The following DCDC2B variants were observed in gnomAD, a reference collection of about 807,000 sequenced individuals.
DCDC2B encodes the protein doublecortin domain containing 2B.
Under a neutral mutation model 38.9 loss-of-function variants are expected in DCDC2B, and 41 were observed. The observed-to-expected ratio is 1.05, with a 90% CI of 0.82 to 1.37. The LOEUF is 1.37. DCDC2B is among the 40% of genes most tolerant of loss of function. The pLI, the probability that DCDC2B is intolerant of heterozygous loss-of-function variation, is 0.00. For synonymous variants in DCDC2B, 181 were observed against 171.9 expected, an observed-to-expected ratio of 1.05 and a Z score of -0.41; for missense variants, 453 against 427.2, an observed-to-expected ratio of 1.06 and a Z score of -0.53.
chr1:32,214,667 T>C, intron 6 of DCDC2B, 130 bp from the exon 7 acceptor site: 1 of 1,359,312 alleles, frequency 7.4e-7, no homozygotes, highest in Non-Finnish European at 1.0e-6. Flanking sequence ...GGACGTACTT[T>C]GTGAAGACAG....
At chr1:32,212,905 C>T (rs58238092) in intron 6 of DCDC2B, 112 bp downstream of exon 6, 125,355 of 1,317,078 alleles carry the variant, frequency 0.095, 9,038 homozygotes, top group African/African-American at 0.29. Context: ...TTTTCTTTTT[C>T]TTTGAGACAG....
Position 32,215,924 on chromosome 1 carries a change from G to A in DCDC2B, c.*27G>A. 1 of 1,527,510 alleles carries A rather than the reference G, an allele frequency of 6.5e-7. No homozygotes were observed. The highest frequency in any genetic ancestry group is 8.9e-7 in the Non-Finnish European group (1 of 1,126,194). The allele number at this position is 1,527,510 out of a possible 1,614,324, so 94.6% of individuals were successfully genotyped here. A position where few individuals can be genotyped will look rare whatever the true frequency, so the allele number is the denominator to read the frequency against. ...AGCCAGCAGCTCCAGAGGGCAACTGGGGACCACTACTCTGGCCACCTTTTG... is the reference window on the plus strand; with the variant it reads ...AGCCAGCAGCTCCAGAGGGCAACTGAGGACCACTACTCTGGCCACCTTTTG... On this transcript the variant is annotated 3_prime_UTR_variant, in exon 9 of 9. Coordinates refer to ENST00000409358, the MANE Select transcript of DCDC2B (RefSeq NM_001099434.2).
rs903466415 is a variant in DCDC2B, at chr1:32,211,854, G to A, written c.395+17G>A. On this transcript the variant is annotated intron_variant, in intron 3 of 8. Transcript: ENST00000409358. ...CTATATCCAGTGAGTGCCAGTGTGAGGGAGCAGGGGTGTTGATGTTTGTTT... is the reference window on the plus strand; with the variant it reads ...CTATATCCAGTGAGTGCCAGTGTGAAGGAGCAGGGGTGTTGATGTTTGTTT... The A allele has an allele frequency of 6.3e-7, 1 of 1,599,004 alleles. No individual in the cohort carries two copies. Among genetic ancestry groups the A allele is most frequent in the Non-Finnish European group, 8.5e-7 (1 of 1,172,800 alleles).
Position 32,211,297 on chromosome 1 carries a change from C to G in DCDC2B, c.292C>G (p.Pro98Ala). Residue 98 changes from proline (P) to alanine (A), a missense_variant, in exon 2 of 9, where the codon CCA becomes GCA. Coordinates refer to ENST00000409358, the MANE Select transcript of DCDC2B (RefSeq NM_001099434.2). Reference sequence around the variant, plus strand: ...CTATTTACCCCATAGAGGGAAGGACCCAGGTGGGAAGAGCTGCAGACTACA... The same window carrying G: ...CTATTTACCCCATAGAGGGAAGGACGCAGGTGGGAAGAGCTGCAGACTACA... ...LHYLPHRGKD[P>A]GGKSCRLQGP... 2 of 1,613,844 alleles carry G rather than the reference C, an allele frequency of 1.2e-6. No homozygotes were observed. Among genetic ancestry groups the G allele is most frequent in the Non-Finnish European group, 1.7e-6 (2 of 1,179,854 alleles).
At chr1:32,210,268 G>A (rs1278378487) in intron 1 of DCDC2B, among the ~76,000 whole-genome samples, 5 of 150,550 alleles carry the variant, frequency 3.3e-5, no homozygotes, top group African/African-American at 1.2e-4. Context: ...AGAGGTTGCA[G>A]TGAGCCGAGA....
intron 6 of DCDC2B, chr1:32,214,482 G>A (rs1465207755): frequency 9.0e-6 from 3 of 334,316 alleles, no homozygotes; most frequent in African/African-American, 6.3e-5. Context: ...CAGGGTCCAA[G>A]GGAACTTATA....
At chr1:32,214,988 G>A (rs1355200534) in intron 7 of DCDC2B, 56 bp downstream of exon 7, 2 of 1,605,736 alleles carry the variant, frequency 1.2e-6, no homozygotes, top group Non-Finnish European at 1.7e-6. Context: ...AGTGACATAG[G>A]TTGGTCCCTG....
chr1:32,213,651 G>A (rs1643677961), intron 6 of DCDC2B, among the ~76,000 whole-genome samples: 1 of 151,832 alleles, frequency 6.6e-6, no homozygotes, highest in Non-Finnish European at 1.5e-5. Context: ...TGGGACTACA[G>A]GCACCCACCA....
chr1:32,211,165 T>A, intron 1 of DCDC2B, 107 bp from the exon 2 acceptor site: 1 of 1,010,666 alleles, frequency 9.9e-7, no homozygotes, highest in East Asian at 2.5e-5. Context: ...CACTATTCCA[T>A]GGGGAGGGAT....
Position 32,216,083 on chromosome 1 carries a change from G to T in DCDC2B, c.*186G>T. 2 of 693,058 alleles carry T rather than the reference G, an allele frequency of 2.9e-6. No homozygotes were observed. Among genetic ancestry groups the T allele is most frequent in the Non-Finnish European group, 4.8e-6 (2 of 416,392 alleles). 42.9% of individuals were successfully genotyped at this position (693,058 alleles called of 1,614,324 possible). On this transcript the variant is annotated 3_prime_UTR_variant, in exon 9 of 9. Coordinates refer to ENST00000409358, the MANE Select transcript of DCDC2B (RefSeq NM_001099434.2). ...GCCCAGCCTTCCCTTCCTCTGAGCA[G>T]AGCAGCCCTGGCTGTGGGGGCTATT...
intron 2 of DCDC2B, among the ~76,000 whole-genome samples, 169 bp downstream of exon 2, chr1:32,211,492 T>C (rs986164494): frequency 6.6e-6 from 1 of 152,204 alleles, no homozygotes; most frequent in Non-Finnish European, 1.5e-5. Flanking sequence ...AAGACACTAT[T>C]TCTTGCTTCT....
chr1:32,212,413 A>C (rs1569755837), intron 4 of DCDC2B, 77 bp from the exon 5 acceptor site: 1 of 1,583,618 alleles, frequency 6.3e-7, no homozygotes, highest in Non-Finnish European at 8.6e-7. Flanking sequence ...GAATAGCTGC[A>C]CCCACCCCTT....
intron 7 of DCDC2B, 200 bp from the exon 8 acceptor site, chr1:32,215,240 G>T: frequency 1.7e-6 from 1 of 587,974 alleles, no homozygotes; most frequent in South Asian, 2.3e-5. Context: ...TGCTTAAAGC[G>T]ATAAGACTTC....
At chr1:32,210,293 T>G (rs1569735806) in intron 1 of DCDC2B, among the ~76,000 whole-genome samples, 1 of 138,306 alleles carries the variant, frequency 7.2e-6, no homozygotes, top group Admixed American at 7.9e-5. Flanking sequence ...GCCACTGCAC[T>G]CCAGCCTGGG....
chr1:32,212,216 T>C lies in DCDC2B; in HGVS notation c.527+15T>C, dbSNP rs1173329727. 1 of 1,608,766 alleles carries C rather than the reference T, an allele frequency of 6.2e-7. No individual in the cohort carries two copies. Among genetic ancestry groups the C allele is most frequent in the African/African-American group, 1.3e-5 (1 of 74,816 alleles). ...GCTGTGTGCAAGTGAGTATGGGGAC[T>C]GCGAGGGCCCAAAAGTCCCCAAAGA... On this transcript the variant is annotated intron_variant, in intron 4 of 8. Coordinates refer to ENST00000409358, the MANE Select transcript of DCDC2B (RefSeq NM_001099434.2).
Position 32,209,381 on chromosome 1 carries a change from A to C in DCDC2B, c.266+22A>C, listed in dbSNP as rs567075358. On this transcript the variant is annotated intron_variant, in intron 1 of 8. Transcript: ENST00000409358. ...TCCAGTGAGTGGGCTGGGGCTGGTCAAACAGCCTAGCAAGGGAGGTAACGG... is the reference window on the plus strand; with the variant it reads ...TCCAGTGAGTGGGCTGGGGCTGGTCCAACAGCCTAGCAAGGGAGGTAACGG... 2.5e-6 allele frequency: 4 copies of C among 1,611,788 alleles called. No homozygotes were observed. In the East Asian group the frequency reaches 8.9e-5, roughly 36 times the overall value.
Position 32,215,325 on chromosome 1 carries a change from T to G in DCDC2B, c.851-115T>G, listed in dbSNP as rs957735533. The G allele has an allele frequency of 3.6e-6, 3 of 837,110 alleles. No individual in the cohort carries two copies. In the African/African-American group the frequency reaches 5.2e-5, roughly 15 times the overall value. 51.9% of individuals were successfully genotyped at this position (837,110 alleles called of 1,614,324 possible). ...ACTTCCTTGCCATCCTGGGAGGTGG[T>G]GGGGAATGCAGAACCAGGTTCAGGG... On this transcript the variant is annotated intron_variant, in intron 7 of 8. Transcript: ENST00000409358.
chr1:32,209,480 G>A, intron 1 of DCDC2B, 121 bp downstream of exon 1: 2 of 1,424,318 alleles, frequency 1.4e-6, no homozygotes, highest in Non-Finnish European at 1.9e-6. Flanking sequence ...TATGTAGGGG[G>A]GGTGGTTTTG....
At chr1:32,211,929 A>G in intron 3 of DCDC2B, 92 bp downstream of exon 3, 2 of 1,540,358 alleles carry the variant, frequency 1.3e-6, no homozygotes, top group Non-Finnish European at 1.8e-6. Flanking sequence ...GCCTCTGGTT[A>G]CTGTTGGGAA....
Sources: gnomAD v4.1 joint callset for allele counts (sites outside exome capture counted in the v4.1 genomes callset) on GRCh38, gnomAD v4.1.1 for gene constraint, MANE v1.5 for transcripts, NCBI Gene and HGNC (gene_info 2026-07-23, HGNC 2026-07-21) for gene names.